TNFRSF19: variants seen among roughly 807,000 people sequenced by gnomAD.
TNFRSF19 encodes the protein tumor necrosis factor receptor superfamily member 19.
Under a neutral mutation model 46.4 loss-of-function variants are expected in TNFRSF19, and 27 were observed. The ratio of observed to expected loss-of-function variants is 0.58; its 90% CI spans 0.43 to 0.80. The LOEUF is 0.80. Among genes scored for constraint, TNFRSF19 ranks in the 30% least tolerant of loss-of-function variants. The probability of loss-of-function intolerance (pLI) is 0.00; values close to 1 mark genes in which losing one functional copy is unlikely to be tolerated. For missense variants in TNFRSF19, 511 were observed against 530.8 expected (o/e 0.96, Z 0.37); for synonymous variants, 204 against 205.0 (o/e 1.00, Z 0.04).
intron 5 of TNFRSF19, among the ~76,000 whole-genome samples, chr13:23,652,797 A>G (rs1376820875): frequency 1.3e-5 from 2 of 152,204 alleles, no homozygotes; most frequent in African/African-American, 4.8e-5. Flanking sequence ...TCTTTCTGGA[A>G]TACTTGGGAT....
At chr13:23,594,803 C>A (rs958608221) in intron 3 of TNFRSF19, among the ~76,000 whole-genome samples, 4 of 152,226 alleles carry the variant, frequency 2.6e-5, no homozygotes, top group African/African-American at 9.6e-5. Flanking sequence ...CGCTGACCCC[C>A]CAGCCTCCCG....
intron 4 of TNFRSF19, 126 bp from the exon 5 acceptor site, chr13:23,626,581 A>T (rs1882026753): frequency 1.3e-6 from 1 of 778,482 alleles, no homozygotes; most frequent in East Asian, 2.7e-5. Context: ...TACCTAAGAT[A>T]CTATTATTTA....
At position 23,623,920 on chromosome 13, in the gene TNFRSF19, A is replaced by G. The variant is rs537228624; in HGVS notation, c.360-2787A>G. Among the ~76,000 whole-genome samples, 12 of 152,244 alleles carry G rather than the reference A, an allele frequency of 7.9e-5. No individual in the cohort carries two copies. The South Asian group carries it at 2.5e-3, about 32-fold the overall frequency. On this transcript the variant is annotated intron_variant, in intron 4 of 9. Coordinates refer to ENST00000248484, the MANE Select transcript of TNFRSF19 (RefSeq NM_148957.4). Reference sequence around the variant, plus strand: ...ATTTGCAGATATTTTCTTCCATTCCATAGGAATGTTTATGTCCTCTGATTT... The same window carrying G: ...ATTTGCAGATATTTTCTTCCATTCCGTAGGAATGTTTATGTCCTCTGATTT...
intron 1 of TNFRSF19, among the ~76,000 whole-genome samples, chr13:23,578,838 C>G (rs542246500): frequency 3.2e-4 from 48 of 152,352 alleles, no homozygotes; most frequent in African/African-American, 1.1e-3. Flanking sequence ...GTGCGGCCGT[C>G]TCGGGGCGAG....
chr13:23,655,958 G>A (rs986247570), intron 5 of TNFRSF19, among the ~76,000 whole-genome samples: 3 of 151,912 alleles, frequency 2.0e-5, no homozygotes, highest in Non-Finnish European at 4.4e-5. Flanking sequence ...TAAAAATGAC[G>A]AACCCATTTC....
At chr13:23,585,279 A>G (rs963450051) in intron 1 of TNFRSF19, among the ~76,000 whole-genome samples, 2 of 152,270 alleles carry the variant, frequency 1.3e-5, no homozygotes, top group Non-Finnish European at 2.9e-5. Context: ...TTCAAGAGAT[A>G]GGAAAAAAAC....
At chr13:23,657,181 CTT>C (rs1378181745) in intron 5 of TNFRSF19, among the ~76,000 whole-genome samples, 1 of 152,132 alleles carries the variant, frequency 6.6e-6, no homozygotes, top group African/African-American at 2.4e-5. Flanking sequence ...CAATAAGAGA[CTT>C]TTATATGTGT....
intron 3 of TNFRSF19, among the ~76,000 whole-genome samples, chr13:23,602,006 G>A (rs1880196037): frequency 6.6e-6 from 1 of 152,072 alleles, no homozygotes. Context: ...AATATATATG[G>A]TAACTATTAG....
intron 7 of TNFRSF19, among the ~76,000 whole-genome samples, chr13:23,664,826 G>A (rs907566957): frequency 3.3e-5 from 5 of 152,084 alleles, no homozygotes; most frequent in Non-Finnish European, 5.9e-5. Flanking sequence ...AAACCTGTAC[G>A]GCATGTGACT....
intron 1 of TNFRSF19, among the ~76,000 whole-genome samples, chr13:23,574,767 G>C (rs1203898763): frequency 6.6e-6 from 1 of 152,298 alleles, no homozygotes. Flanking sequence ...AGGCTCCCTG[G>C]TGGCTGTGTT....
chr13:23,595,100 A>G (rs1443512108), intron 3 of TNFRSF19, among the ~76,000 whole-genome samples: 7 of 152,252 alleles, frequency 4.6e-5, no homozygotes, highest in Non-Finnish European at 1.0e-4. Context: ...AACCCCATCC[A>G]AAGGTCACCA....
chr13:23,632,801 A>G (rs1418114599), intron 5 of TNFRSF19, among the ~76,000 whole-genome samples: 1 of 152,152 alleles, frequency 6.6e-6, no homozygotes, highest in African/African-American at 2.4e-5. Context: ...TTACTGTACC[A>G]AGCCAAACCA....
At chr13:23,575,863 A>C (rs1208435397) in intron 1 of TNFRSF19, among the ~76,000 whole-genome samples, 1 of 152,156 alleles carries the variant, frequency 6.6e-6, no homozygotes, top group Non-Finnish European at 1.5e-5. Flanking sequence ...GGGGTTTTTC[A>C]AGTTTTCCTT....
intron 9 of TNFRSF19, among the ~76,000 whole-genome samples, chr13:23,670,657 C>T (rs1951746176): frequency 6.6e-6 from 1 of 152,198 alleles, no homozygotes; most frequent in African/African-American, 2.4e-5. Flanking sequence ...GTGCCCCACA[C>T]AACGTAGGAA....
intron 3 of TNFRSF19, among the ~76,000 whole-genome samples, chr13:23,609,742 T>C (rs946722309): frequency 6.6e-6 from 1 of 152,240 alleles, no homozygotes; most frequent in Non-Finnish European, 1.5e-5. Flanking sequence ...TTTACATTTT[T>C]GAAAACTGTT....
Position 23,650,624 on chromosome 13 carries a change from G to T in TNFRSF19, c.446-8426G>T, listed in dbSNP as rs1883574371. On this transcript the variant is annotated intron_variant, in intron 5 of 9. Coordinates refer to ENST00000248484, the MANE Select transcript of TNFRSF19 (RefSeq NM_148957.4). ...AAGGGAGTGACCACTTAATGGGTAT[G>T]GGGTTTCCTTTTGGGGAGATAAGAA... is the stretch of plus-strand genomic sequence containing the variant. Among the ~76,000 whole-genome samples the T allele has an allele frequency of 5.9e-5, 9 of 152,160 alleles. 2 individuals carry two copies. In the South Asian group the frequency reaches 1.9e-3, roughly 31 times the overall value.
intron 1 of TNFRSF19, among the ~76,000 whole-genome samples, chr13:23,588,400 A>G (rs1305576453): frequency 1.3e-5 from 2 of 152,194 alleles, no homozygotes; most frequent in East Asian, 3.9e-4. Flanking sequence ...ATGGATGTGT[A>G]GCATCAAAGT....
chr13:23,591,454 GAAAT>G (rs1192964664), intron 2 of TNFRSF19, among the ~76,000 whole-genome samples: 1 of 150,862 alleles, frequency 6.6e-6, no homozygotes. Flanking sequence ...CTTTGTCTCA[GAAAT>G]AAATAAATAG....
rs764796025 is a variant in TNFRSF19, at chr13:23,641,611, G to A, written c.445+14819G>A. On this transcript the variant is annotated intron_variant, in intron 5 of 9. Coordinates refer to ENST00000248484, the MANE Select transcript of TNFRSF19 (RefSeq NM_148957.4). ...CTCCCAAAGTGCTGGGATTACAGGC[G>A]TGAGCCACCGTGCCTGGCCAGGATT... 2.6e-4 allele frequency among the ~76,000 whole-genome samples: 40 copies of A among 152,290 alleles called. 2 individuals are homozygous for A. The highest frequency in any genetic ancestry group is 2.2e-3 in the Admixed American group (34 of 15,294).
Sources: allele counts gnomAD v4.1 joint callset (sites outside exome capture counted in the v4.1 genomes callset), GRCh38; gene constraint gnomAD v4.1.1; transcripts MANE v1.5; gene names NCBI Gene and HGNC (gene_info 2026-07-23, HGNC 2026-07-21).